PTDSS2: variants seen among roughly 807,000 people sequenced by gnomAD.
The protein encoded by PTDSS2 is phosphatidylserine synthase 2.
PTDSS2 carries 41 observed loss-of-function variants against 64.7 expected under a neutral mutation model. The ratio of observed to expected loss-of-function variants is 0.63; its 90% CI spans 0.49 to 0.82. The LOEUF (loss-of-function observed/expected upper bound fraction) is 0.82. Among genes scored for constraint, PTDSS2 ranks in the 40% least tolerant of loss-of-function variants. The pLI, the probability that PTDSS2 is intolerant of heterozygous loss-of-function variation, is 0.00. For synonymous variants in PTDSS2, 297 were observed against 277.8 expected, an observed-to-expected ratio of 1.07 and a Z score of -0.69; for missense variants, 485 against 650.0, an observed-to-expected ratio of 0.75 and a Z score of 2.76.
At position 490,787 on chromosome 11, in the gene PTDSS2, T is replaced by C. The variant is rs79073676; in HGVS notation, c.*205T>C. 32 of 574,012 alleles carry C rather than the reference T, an allele frequency of 5.6e-5. No individual in the cohort carries two copies. The highest frequency in any genetic ancestry group is 1.4e-4 in the Admixed American group (4 of 27,856). 35.6% of individuals were successfully genotyped at this position (574,012 alleles called of 1,614,324 possible). On this transcript the variant is annotated 3_prime_UTR_variant, in exon 12 of 12. Transcript: ENST00000308020. Reference sequence around the variant, plus strand: ...ATGTGTACACGTGTGTACGTGTGTATGCGTGTGTGTACGCGTGTGTACGCG... The same window carrying C: ...ATGTGTACACGTGTGTACGTGTGTACGCGTGTGTGTACGCGTGTGTACGCG...
intron 2 of PTDSS2, among the ~76,000 whole-genome samples, chr11:472,385 G>T (rs1331344602): frequency 6.6e-6 from 1 of 152,218 alleles, no homozygotes; most frequent in Non-Finnish European, 1.5e-5. Flanking sequence ...AGGGACGCGG[G>T]CCCCACCTTG....
At position 489,686 on chromosome 11, in the gene PTDSS2, C is replaced by T. The variant is rs771410498; in HGVS notation, c.1068C>T (p.Asn356=). 2.1e-5 allele frequency: 34 copies of T among 1,602,502 alleles called. No homozygotes were observed. The Admixed American group carries it at 2.6e-4, about 12-fold the overall frequency. ...TCCTGCGGCTCGTCTTCTTCGTGAA[C>T]GTGGGTGGCGTGGCCATGCGTGAGA... The part of the protein sequence containing the change: ...LVLLRLVFFV[N]VGGVAMREIY... Residue 356 remains asparagine (N), a synonymous_variant, in exon 10 of 12, where the codon AAC becomes AAT. Transcript: ENST00000308020.
chr11:468,482 G>A (rs968415486), intron 2 of PTDSS2, among the ~76,000 whole-genome samples: 28 of 152,342 alleles, frequency 1.8e-4, no homozygotes, highest in African/African-American at 6.3e-4. Context: ...TGGGGGTCCC[G>A]GCGGGGAAGG....
chr11:479,600 A>G lies in PTDSS2; in HGVS notation c.435+448A>G, dbSNP rs1235726680. 6.6e-6 allele frequency among the ~76,000 whole-genome samples: 1 copy of G among 152,108 alleles called. No individual in the cohort carries two copies. The highest frequency in any genetic ancestry group is 1.5e-5 in the Non-Finnish European group (1 of 68,030). On this transcript the variant is annotated intron_variant, in intron 4 of 11. Coordinates refer to ENST00000308020, the MANE Select transcript of PTDSS2 (RefSeq NM_030783.3). This position sits in a 1 kb window ranked among gnomAD's most constrained non-coding sequence, Gnocchi z 4.2. Reference sequence around the variant, plus strand: ...TCCTGCGATGCAGGCCAGCGTCTGCATGGCCGGGGCAAATCTGGGCCTCAG... The same window carrying G: ...TCCTGCGATGCAGGCCAGCGTCTGCGTGGCCGGGGCAAATCTGGGCCTCAG...
At chr11:484,727 T>A (rs1590677846) in intron 4 of PTDSS2, among the ~76,000 whole-genome samples, 1 of 128,308 alleles carries the variant, frequency 7.8e-6, no homozygotes, top group Non-Finnish European at 1.6e-5. Context: ...AGTGCACGGA[T>A]GCGTGTGCTC....
chr11:488,186 C>G lies in PTDSS2; in HGVS notation c.622-13C>G. Reference sequence around the variant, plus strand: ...CCGGCGTCCCATACTCTGGCTGACCCTGGCGCCCACAGACCCTGATGATCC... The same window carrying G: ...CCGGCGTCCCATACTCTGGCTGACCGTGGCGCCCACAGACCCTGATGATCC... On this transcript the variant is annotated splice_polypyrimidine_tract_variant and intron_variant, in intron 6 of 11. Transcript: ENST00000308020. 1 of 1,600,406 alleles carries G rather than the reference C, an allele frequency of 6.2e-7. No homozygotes were observed. The highest frequency in any genetic ancestry group is 1.3e-5 in the African/African-American group (1 of 74,774).
At chr11:481,078 C>T (rs1346226352) in intron 4 of PTDSS2, among the ~76,000 whole-genome samples, 3 of 148,684 alleles carry the variant, frequency 2.0e-5, no homozygotes, top group African/African-American at 2.5e-5. Context: ...AGCGAGACTC[C>T]GCCTCAAAAA....
chr11:469,795 C>T (rs572323010), intron 2 of PTDSS2, among the ~76,000 whole-genome samples: 3 of 152,144 alleles, frequency 2.0e-5, no homozygotes, highest in African/African-American at 4.8e-5. Context: ...TGGCTGATTC[C>T]AGCACCGGGG....
Position 470,306 on chromosome 11 carries a change from C to T in PTDSS2, c.285-3589C>T, listed in dbSNP as rs1014268100. On this transcript the variant is annotated intron_variant, in intron 2 of 11. Transcript: ENST00000308020. The surrounding 1 kb of genome is among the most constrained non-coding windows in gnomAD (Gnocchi z 5.3). ...CCTCCCAACCCCGACGACCCCAGCCCGGCCATGCAGAGGCATAGTCGACCA... is the reference window on the plus strand; with the variant it reads ...CCTCCCAACCCCGACGACCCCAGCCTGGCCATGCAGAGGCATAGTCGACCA... 1.3e-5 allele frequency among the ~76,000 whole-genome samples: 2 copies of T among 152,212 alleles called. No individual in the cohort carries two copies. Among genetic ancestry groups the T allele is most frequent in the Non-Finnish European group, 2.9e-5 (2 of 68,034 alleles).
At chr11:485,074 CACGTGT>C (rs1436128051) in intron 4 of PTDSS2, among the ~76,000 whole-genome samples, 5 of 81,116 alleles carry the variant, frequency 6.2e-5, no homozygotes, top group African/African-American at 2.4e-4. Context: ...ACTGCACGGG[CACGTGT>C]GCTTACTGTG....
Position 460,288 on chromosome 11 carries a change from G to A in PTDSS2, c.284G>A (p.Arg95Lys). The change falls in exon 2 of 12, where the codon AGA (arginine) becomes AAA (lysine). Residue 95 changes from arginine to lysine, a missense_variant and splice_region_variant. By Grantham distance (26) the Arg-to-Lys change is conservative (BLOSUM62 2). This residue lies in a region of PTDSS2 where 251 missense variants were observed against 348.0 expected (regional missense o/e 0.72). Coordinates refer to ENST00000308020, the MANE Select transcript of PTDSS2 (RefSeq NM_030783.3). The surrounding 1 kb of genome is among the most constrained non-coding windows in gnomAD (Gnocchi z 5.8). ...TPQDTAYNTK[R>K]GIVASILVFL... ...CAGGACACGGCCTACAACACCAAGA[G>A]GTAAGCTGCCCTCTTGTCCTGCCTT... The A allele has an allele frequency of 2.5e-6, 4 of 1,613,042 alleles. No homozygotes were observed. The highest frequency in any genetic ancestry group is 2.5e-6 in the Non-Finnish European group (3 of 1,179,012).
intron 2 of PTDSS2, among the ~76,000 whole-genome samples, chr11:468,064 G>T (rs924795533): frequency 2.0e-5 from 3 of 152,200 alleles, no homozygotes; most frequent in Non-Finnish European, 4.4e-5. Context: ...GGAAGGCAGA[G>T]GTTGCAGCGA....
chr11:457,265 A>C (rs1590610468), intron 1 of PTDSS2, among the ~76,000 whole-genome samples: 2 of 152,162 alleles, frequency 1.3e-5, no homozygotes, highest in South Asian at 4.1e-4. Context: ...ACGCCCATGC[A>C]CCGCCACAAC....
chr11:489,245 G>T (rs1848550551), intron 8 of PTDSS2, 155 bp from the exon 9 acceptor site: 1 of 642,248 alleles, frequency 1.6e-6, no homozygotes, highest in Non-Finnish European at 2.7e-6. Context: ...AGAGTCTGTG[G>T]CCCGATGGCA....
In PTDSS2 at chr11:470,710, C is replaced by G. The variant is rs1019575790; in HGVS notation, c.285-3185C>G. ...GTTCAAGTGATTCTCCTGCCTCAGC[C>G]TCCCGAGTAGCTGGGATTACAGGTG... is the stretch of plus-strand genomic sequence containing the variant. On this transcript the variant is annotated intron_variant, in intron 2 of 11. Transcript: ENST00000308020. The surrounding 1 kb of genome is among the most constrained non-coding windows in gnomAD (Gnocchi z 5.3). Among the ~76,000 whole-genome samples the G allele has an allele frequency of 6.6e-6, 1 of 152,092 alleles. No homozygotes were observed. The highest frequency in any genetic ancestry group is 2.4e-5 in the African/African-American group (1 of 41,400).
At chr11:469,676 A>G (rs570732453) in intron 2 of PTDSS2, among the ~76,000 whole-genome samples, 3 of 151,978 alleles carry the variant, frequency 2.0e-5, no homozygotes, top group Admixed American at 2.0e-4. Context: ...GTTGCTGTAC[A>G]AGCTGAGGGG....
At chr11:469,464 G>GGGC (rs1402913027) in intron 2 of PTDSS2, among the ~76,000 whole-genome samples, 3 of 140,164 alleles carry the variant, frequency 2.1e-5, no homozygotes, top group East Asian at 4.3e-4. Context: ...GGGAGGAGGA[G>GGGC]GGCAGTCTCT....
chr11:458,780 G>A (rs1025423784), intron 1 of PTDSS2: 4 of 152,158 alleles, frequency 2.6e-5, no homozygotes, highest in Non-Finnish European at 4.4e-5. Context: ...CTACAGACGC[G>A]TGCAGCCTAC....
chr11:474,544 C>T (rs1412897970), intron 3 of PTDSS2, among the ~76,000 whole-genome samples: 1 of 152,220 alleles, frequency 6.6e-6, no homozygotes, highest in Non-Finnish European at 1.5e-5. Context: ...TTGCCCAGCG[C>T]ACTCTGCCTC....
Sources: allele counts gnomAD v4.1 joint callset (sites outside exome capture counted in the v4.1 genomes callset), GRCh38; gene constraint gnomAD v4.1.1; regional missense constraint gnomAD v4.1.1; non-coding constraint Gnocchi (gnomAD v3.1); transcripts MANE v1.5; gene names NCBI Gene and HGNC (gene_info 2026-07-23, HGNC 2026-07-21).